The following FICD variants were observed in gnomAD, a reference collection of about 807,000 sequenced individuals.
The protein encoded by FICD is protein adenylyltransferase FICD.
In FICD, 13 loss-of-function variants were observed where a neutral mutation model predicts 28.0. That is an observed-to-expected ratio of 0.46 (90% CI 0.30 to 0.74). The LOEUF (loss-of-function observed/expected upper bound fraction) is 0.74. FICD is among the 30% of genes least tolerant of loss of function. The pLI, the probability that FICD is intolerant of heterozygous loss-of-function variation, is 0.07. For missense variants in FICD, 576 were observed against 624.5 expected (o/e 0.92, Z 0.83); for synonymous variants, 268 against 266.4 (o/e 1.01, Z -0.06).
At chr12:108,515,933 T>A (rs1327654785) in intron 1 of FICD, among the ~76,000 whole-genome samples, 2 of 152,210 alleles carry the variant, frequency 1.3e-5, no homozygotes, top group Non-Finnish European at 2.9e-5. Flanking sequence ...ACTTATGCTC[T>A]CTGTGTCTTG....
In FICD at chr12:108,516,181, C is replaced by A. The variant is rs140770462; in HGVS notation, c.-58-734C>A. Among the ~76,000 whole-genome samples the A allele has an allele frequency of 1.9e-3, 297 of 152,330 alleles. 3 individuals are homozygous for A. The highest frequency in any genetic ancestry group is 5.9e-3 in the African/African-American group (247 of 41,572). Reference sequence around the variant, plus strand: ...TGAGGCCAAGCACTGTGGCCCACAGCCTGAGTTCCTTTCGAGATGCTCGAA... The same window carrying A: ...TGAGGCCAAGCACTGTGGCCCACAGACTGAGTTCCTTTCGAGATGCTCGAA... On this transcript the variant is annotated intron_variant, in intron 1 of 2. Transcript: ENST00000552695.
At chr12:108,516,084 A>T (rs1003392665) in intron 1 of FICD, among the ~76,000 whole-genome samples, 1 of 152,192 alleles carries the variant, frequency 6.6e-6, no homozygotes, top group African/African-American at 2.4e-5. Flanking sequence ...TATTGTTAGC[A>T]TAGTGTTTGC....
In FICD at chr12:108,519,515, G is replaced by GA. The variant is rs552394253; in HGVS notation, c.*51dup. 0.033 allele frequency: 31,321 copies of GA among 958,998 alleles called. No individual in the cohort carries two copies. The highest frequency in any genetic ancestry group is 0.046 in the South Asian group (2,129 of 46,332). 59.4% of individuals were successfully genotyped at this position (958,998 alleles called of 1,614,324 possible). A position where few individuals can be genotyped will look rare whatever the true frequency, so the allele number is the denominator to read the frequency against. ...AGTGACAAAGGCTGTCCTGAGGTAG[G>GA]AAAAAAAAAAAGAAACAGCATTTCT... On this transcript the variant is annotated 3_prime_UTR_variant, in exon 3 of 3. Transcript: ENST00000552695. This position sits in a 1 kb window ranked among gnomAD's most constrained non-coding sequence, Gnocchi z 4.5.
Position 108,518,955 on chromosome 12 carries a change from C to G in FICD, c.857C>G (p.Thr286Ser). ...TTLVSRIGSV[T>S]ISDVLEIHRR... ...CTGGTTTCGCGCATCGGCTCCGTCA[C>G]CATCAGCGACGTGCTGGAGATCCAC... The change falls in exon 3 of 3, where the codon ACC becomes AGC. Residue 286 changes from threonine to serine, a missense_variant. Transcript: ENST00000552695. The surrounding 1 kb of genome is among the most constrained non-coding windows in gnomAD (Gnocchi z 4.4). The G allele has an allele frequency of 6.2e-7, 1 of 1,614,204 alleles. No individual in the cohort carries two copies. Among genetic ancestry groups the G allele is most frequent in the Non-Finnish European group, 8.5e-7 (1 of 1,180,046 alleles).
chr12:108,515,647 C>T (rs555562124), intron 1 of FICD, among the ~76,000 whole-genome samples: 61 of 152,234 alleles, frequency 4.0e-4, no homozygotes, highest in African/African-American at 1.5e-3. Flanking sequence ...TCGGGAAGCC[C>T]GCCCAGACCC....
chr12:108,518,420 G>T lies in FICD; in HGVS notation c.322G>T (p.Ala108Ser), dbSNP rs776627377. The T allele has an allele frequency of 5.0e-6, 8 of 1,613,962 alleles. No individual in the cohort carries two copies. Among genetic ancestry groups the T allele is most frequent in the Non-Finnish European group, 5.9e-6 (7 of 1,179,888 alleles). The change falls in exon 3 of 3, where the codon GCT becomes TCT. Residue 108 changes from alanine to serine, a missense_variant. Transcript: ENST00000552695. The surrounding 1 kb of genome is among the most constrained non-coding windows in gnomAD (Gnocchi z 4.4). Reference sequence around the variant, plus strand: ...TCCAGCGGGTAAGTTGGAAGCCAGAGCTGCCCTGAACCAGGCCCTGGAGAT... The same window carrying T: ...TCCAGCGGGTAAGTTGGAAGCCAGATCTGCCCTGAACCAGGCCCTGGAGAT... The part of the protein sequence containing the change: ...ASPAGKLEAR[A>S]ALNQALEMKR...
chr12:108,519,441 C>A lies in FICD; in HGVS notation c.1343C>A (p.Ser448Tyr). Residue 448 changes from serine (S) to tyrosine (Y), a missense_variant, in exon 3 of 3, where the codon TCT becomes TAT. Ser to Tyr is a moderately radical substitution (Grantham distance 144). Transcript: ENST00000552695. The surrounding 1 kb of genome is among the most constrained non-coding windows in gnomAD (Gnocchi z 4.5). ...VALPEAQPNH[S>Y]GFKETLPVKP ...CTGCCAGAAGCCCAACCCAACCACT[C>A]TGGGTTCAAGGAGACGCTTCCTGTG... 1 of 1,613,828 alleles carries A rather than the reference C, an allele frequency of 6.2e-7. No homozygotes were observed. The highest frequency in any genetic ancestry group is 8.5e-7 in the Non-Finnish European group (1 of 1,179,812).
At chr12:108,517,598 A>T (rs979338849) in intron 2 of FICD, 1 of 422,246 alleles carries the variant, frequency 2.4e-6, no homozygotes, top group Non-Finnish European at 4.2e-6. Flanking sequence ...CATAACTGAC[A>T]TAACTGTCGT....
chr12:108,520,310 GGT>G lies in FICD; in HGVS notation c.*838_*839del, dbSNP rs1872068963. On this transcript the variant is annotated 3_prime_UTR_variant, in exon 3 of 3. Coordinates refer to ENST00000552695, the MANE Select transcript of FICD (RefSeq NM_007076.3). ...TCCACCTGTATCGTGCTGCAAACCA[GGT>G]GTTATGCTAGTAGGCATCTGCCCTC... is the stretch of plus-strand genomic sequence containing the variant. The G allele has an allele frequency of 6.6e-6, 1 of 152,070 alleles. No individual in the cohort carries two copies. The highest frequency in any genetic ancestry group is 1.5e-5 in the Non-Finnish European group (1 of 67,998). 9.4% of individuals were successfully genotyped at this position (152,070 alleles called of 1,614,324 possible). A position where few individuals can be genotyped will look rare whatever the true frequency, so the allele number is the denominator to read the frequency against.
At position 108,516,965 on chromosome 12, in the gene FICD, G is replaced by C; in HGVS notation, c.-8G>C. On this transcript the variant is annotated 5_prime_UTR_variant, in exon 2 of 3. Transcript: ENST00000552695. ...GGACATGCGCAAAGGGCCCTCTCCTGAGTCCAGATGATGCTCATACCAATG... is the reference window on the plus strand; with the variant it reads ...GGACATGCGCAAAGGGCCCTCTCCTCAGTCCAGATGATGCTCATACCAATG... The C allele has an allele frequency of 6.8e-7, 1 of 1,470,354 alleles. No individual in the cohort carries two copies. The highest frequency in any genetic ancestry group is 9.1e-7 in the Non-Finnish European group (1 of 1,101,860). 91.1% of individuals were successfully genotyped at this position (1,470,354 alleles called of 1,614,324 possible).
Position 108,517,158 on chromosome 12 carries a change from G to A in FICD, c.186G>A (p.Arg62=). 6.2e-7 allele frequency: 1 copy of A among 1,606,108 alleles called. No individual in the cohort carries two copies. Among genetic ancestry groups the A allele is most frequent in the South Asian group, 1.1e-5 (1 of 90,140 alleles). Residue 62 remains arginine (R), a synonymous_variant, in exon 2 of 3, where the codon AGG becomes AGA. Coordinates refer to ENST00000552695, the MANE Select transcript of FICD (RefSeq NM_007076.3). ...LAVLKGLYLL[R]SKPDRAQHAA... The stretch of plus-strand genomic sequence containing the variant: ...TGCTCAAAGGCCTCTACCTGCTCAG[G>A]AGCAAACCGGACAGGGCGCAGCATG...
Position 108,520,138 on chromosome 12 carries a change from G to A in FICD, c.*663G>A, listed in dbSNP as rs1332057390. ...GAGACTATTTTTCTAATTAAGAATAGGGGGTAGCCATAAAGAGCTGTATGT... is the reference window on the plus strand; with the variant it reads ...GAGACTATTTTTCTAATTAAGAATAAGGGGTAGCCATAAAGAGCTGTATGT... On this transcript the variant is annotated 3_prime_UTR_variant, in exon 3 of 3. Transcript: ENST00000552695. 1 of 138,360 alleles carries A rather than the reference G, an allele frequency of 7.2e-6. No individual in the cohort carries two copies. The highest frequency in any genetic ancestry group is 1.5e-5 in the Non-Finnish European group (1 of 65,838). The allele number at this position is 138,360 out of a possible 1,614,324, so 8.6% of individuals were successfully genotyped here.
chr12:108,519,201 G>A lies in FICD; in HGVS notation c.1103G>A (p.Gly368Asp). ...GTTTACATCCACCCTTTCATTGATGGCAACGGGAGGACCTCCCGTCTGCTC... is the reference window on the plus strand; with the variant it reads ...GTTTACATCCACCCTTTCATTGATGACAACGGGAGGACCTCCCGTCTGCTC... The part of the protein sequence containing the change: ...KLVYIHPFID[G>D]NGRTSRLLMN... The change falls in exon 3 of 3, where the codon GGC (glycine) becomes GAC (aspartate). Residue 368 changes from glycine to aspartate, a missense_variant. By Grantham distance (94) the Gly-to-Asp change is moderately conservative. Transcript: ENST00000552695. This position sits in a 1 kb window ranked among gnomAD's most constrained non-coding sequence, Gnocchi z 4.5. 1 of 1,614,182 alleles carries A rather than the reference G, an allele frequency of 6.2e-7. No homozygotes were observed. The highest frequency in any genetic ancestry group is 1.1e-5 in the South Asian group (1 of 91,088).
chr12:108,518,128 A>AGGCT lies in FICD; in HGVS notation c.302-271_302-268dup. 4.3e-6 allele frequency: 3 copies of AGGCT among 702,314 alleles called. No homozygotes were observed. The highest frequency in any genetic ancestry group is 7.8e-6 in the Non-Finnish European group (3 of 384,790). 43.5% of individuals were successfully genotyped at this position (702,314 alleles called of 1,614,324 possible). On this transcript the variant is annotated intron_variant, in intron 2 of 2. Transcript: ENST00000552695. This position sits in a 1 kb window ranked among gnomAD's most constrained non-coding sequence, Gnocchi z 4.4. ...GAACTTTCTATGTCCAGAAAGCAGG[A>AGGCT]GGCTAGGAAGCCAAGGAGGTGCCTC...
chr12:108,518,532 A>T lies in FICD; in HGVS notation c.434A>T (p.Glu145Val). The change falls in exon 3 of 3, where the codon GAG becomes GTG. Residue 145 changes from glutamate to valine, a missense_variant. Glu to Val is a moderately radical substitution (Grantham distance 121). Coordinates refer to ENST00000552695, the MANE Select transcript of FICD (RefSeq NM_007076.3). The surrounding 1 kb of genome is among the most constrained non-coding windows in gnomAD (Gnocchi z 4.4). ...MDPDFVDALT[E>V]FGIFSEEDKD... ...CCGGACTTCGTGGACGCGCTCACCGAGTTTGGCATCTTCTCGGAAGAAGAC... is the reference window on the plus strand; with the variant it reads ...CCGGACTTCGTGGACGCGCTCACCGTGTTTGGCATCTTCTCGGAAGAAGAC... The T allele has an allele frequency of 6.2e-7, 1 of 1,614,192 alleles. No homozygotes were observed. Among genetic ancestry groups the T allele is most frequent in the Non-Finnish European group, 8.5e-7 (1 of 1,180,040 alleles).
chr12:108,519,264 T>C lies in FICD; in HGVS notation c.1166T>C (p.Ile389Thr). ...LILMQAGYPP[I>T]TIRKEQRSDY... ...CTCATGCAGGCGGGCTACCCGCCCATCACCATCCGCAAGGAGCAGCGGTCC... is the reference window on the plus strand; with the variant it reads ...CTCATGCAGGCGGGCTACCCGCCCACCACCATCCGCAAGGAGCAGCGGTCC... Residue 389 changes from isoleucine (I) to threonine (T), a missense_variant, in exon 3 of 3, where the codon ATC (isoleucine) becomes ACC (threonine). Coordinates refer to ENST00000552695, the MANE Select transcript of FICD (RefSeq NM_007076.3). The surrounding 1 kb of genome is among the most constrained non-coding windows in gnomAD (Gnocchi z 4.5). 1 of 1,614,234 alleles carries C rather than the reference T, an allele frequency of 6.2e-7. No homozygotes were observed. Among genetic ancestry groups the C allele is most frequent in the South Asian group, 1.1e-5 (1 of 91,084 alleles).
rs1871895776 is a variant in FICD at position 108,515,828 on chromosome 12, TAAG to T, written c.-59+468_-59+470del. ...CAGGTGCACAGGCCCTGCTTAGTAA[TAAG>T]GTAGAAATCGAGACCTGGGGACCGG... On this transcript the variant is annotated intron_variant, in intron 1 of 2. Coordinates refer to ENST00000552695, the MANE Select transcript of FICD (RefSeq NM_007076.3). Among the ~76,000 whole-genome samples, 4 of 152,146 alleles carry T rather than the reference TAAG, an allele frequency of 2.6e-5. No individual in the cohort carries two copies. The South Asian group carries it at 8.3e-4, about 32-fold the overall frequency.
At position 108,517,210 on chromosome 12, in the gene FICD, A is replaced by AC; in HGVS notation, c.239dup (p.Glu81GlyfsTer23). On this transcript the variant is annotated frameshift_variant, in exon 2 of 3. Coordinates refer to ENST00000552695, the MANE Select transcript of FICD (RefSeq NM_007076.3). LOFTEE classifies it high-confidence loss of function. ...CGCCACCAAGTGCACCAGCCCGTCC[A>AC]CGGAGCTCAGCATCACCTCCAGGGG... 1 of 1,581,206 alleles carries AC rather than the reference A, an allele frequency of 6.3e-7. No individual in the cohort carries two copies. Among genetic ancestry groups the AC allele is most frequent in the Non-Finnish European group, 8.6e-7 (1 of 1,163,252 alleles).
Position 108,518,479 on chromosome 12 carries a change from G to C in FICD, c.381G>C (p.Lys127Asn), listed in dbSNP as rs1379347236. The C allele has an allele frequency of 3.1e-6, 5 of 1,614,194 alleles. No individual in the cohort carries two copies. The South Asian group carries it at 5.5e-5, about 18-fold the overall frequency. The change falls in exon 3 of 3, where the codon AAG (lysine) becomes AAC (asparagine). Residue 127 changes from lysine (K) to asparagine (N), a missense_variant. By Grantham distance (94) the Lys-to-Asn change is moderately conservative. Coordinates refer to ENST00000552695, the MANE Select transcript of FICD (RefSeq NM_007076.3). This position sits in a 1 kb window ranked among gnomAD's most constrained non-coding sequence, Gnocchi z 4.4. ...KRQGKREKAQ[K>N]LFMHALKMDP... is the part of the protein sequence containing the mutation. ...AGGGCAAGCGGGAAAAAGCCCAAAA[G>C]CTCTTCATGCACGCCCTCAAGATGG... is the stretch of plus-strand genomic sequence containing the variant.
Sources: allele counts gnomAD v4.1 joint callset (sites outside exome capture counted in the v4.1 genomes callset), GRCh38; gene constraint gnomAD v4.1.1; non-coding constraint Gnocchi (gnomAD v3.1); transcripts MANE v1.5; gene names NCBI Gene and HGNC (gene_info 2026-07-23, HGNC 2026-07-21).